Variants in HIVEP2 observed in about 807,000 individuals in gnomAD.
HIVEP2 encodes the protein transcription factor HIVEP2.
A neutral mutation model predicts 180.7 loss-of-function variants in HIVEP2; 14 were observed. That is an observed-to-expected ratio of 0.08 (90% CI 0.05 to 0.12). The LOEUF (loss-of-function observed/expected upper bound fraction) is 0.12, where lower values mean the gene tolerates loss of function less well. HIVEP2 is among the 10% of genes least tolerant of loss of function. HIVEP2 has a pLI of 1.00. For missense variants in HIVEP2, 2,579 were observed against 3,008.5 expected (o/e 0.86, Z 3.34); for synonymous variants, 1,184 against 1,136.4 (o/e 1.04, Z -0.84).
intron 1 of HIVEP2, among the ~76,000 whole-genome samples, chr6:142,903,373 C>T (rs9390030): frequency 0.071 from 10,769 of 152,252 alleles, 491 homozygotes; most frequent in East Asian, 0.17. Context: ...TTCACTTATA[C>T]AGTGTCCTGG....
chr6:142,935,656 T>C (rs1018254891), intron 1 of HIVEP2, among the ~76,000 whole-genome samples: 3 of 152,162 alleles, frequency 2.0e-5, no homozygotes, highest in Non-Finnish European at 2.9e-5. Flanking sequence ...CTGGTTCTCA[T>C]GGCCCCCATC....
chr6:142,849,872 T>A (rs896567919), intron 1 of HIVEP2, among the ~76,000 whole-genome samples: 1 of 151,992 alleles, frequency 6.6e-6, no homozygotes, highest in Non-Finnish European at 1.5e-5. Flanking sequence ...GGCTTAAGGG[T>A]TGAACTTTGG....
At chr6:142,879,799 C>T (rs8180684) in intron 1 of HIVEP2, among the ~76,000 whole-genome samples, 36,230 of 151,940 alleles carry the variant, frequency 0.24, 4,831 homozygotes, top group East Asian at 0.35. Context: ...CTCCCATGCC[C>T]GTCTCCAAAC....
rs1198876015 is a variant in HIVEP2, at chr6:142,943,637, TATTC to T, written c.-641+1458_-641+1461del. ...CTTTAGGGTTGGGGGCGAGTACCAA[TATTC>T]ATTTGGAGGTAAATTGAGTTATTTT... On this transcript the variant is annotated intron_variant, in intron 1 of 9. Coordinates refer to ENST00000367603, the MANE Select transcript of HIVEP2 (RefSeq NM_006734.4). This position sits in a 1 kb window ranked among gnomAD's most constrained non-coding sequence, Gnocchi z 4.5. 1.3e-5 allele frequency among the ~76,000 whole-genome samples: 2 copies of T among 152,100 alleles called. No individual in the cohort carries two copies. The highest frequency in any genetic ancestry group is 2.9e-5 in the Non-Finnish European group (2 of 68,000).
chr6:142,846,515 A>T (rs1481441916), intron 1 of HIVEP2, among the ~76,000 whole-genome samples: 1 of 152,220 alleles, frequency 6.6e-6, no homozygotes, highest in Non-Finnish European at 1.5e-5. Flanking sequence ...AGACTCCCAG[A>T]TATTTCCCAT....
At chr6:142,829,215 A>G (rs1452423035) in intron 2 of HIVEP2, among the ~76,000 whole-genome samples, 1 of 151,420 alleles carries the variant, frequency 6.6e-6, no homozygotes, top group East Asian at 1.9e-4. Flanking sequence ...GACGTTCTAT[A>G]CTCTCTAGGT....
At chr6:142,875,943 A>G (rs1055634560) in intron 1 of HIVEP2, among the ~76,000 whole-genome samples, 1 of 152,202 alleles carries the variant, frequency 6.6e-6, no homozygotes, top group East Asian at 1.9e-4. Context: ...TGATATTCTA[A>G]ACCATGCTGG....
At chr6:142,854,088 T>G (rs1360775910) in intron 1 of HIVEP2, among the ~76,000 whole-genome samples, 1 of 152,208 alleles carries the variant, frequency 6.6e-6, no homozygotes, top group Non-Finnish European at 1.5e-5. Context: ...AGCTCTGTGT[T>G]GTTCATAAAA....
At chr6:142,810,886 T>C (rs1027847436) in intron 2 of HIVEP2, among the ~76,000 whole-genome samples, 3 of 151,890 alleles carry the variant, frequency 2.0e-5, no homozygotes, top group Non-Finnish European at 2.9e-5. Flanking sequence ...CAAGGAGAAT[T>C]GAAAAAAATA....
intron 1 of HIVEP2, among the ~76,000 whole-genome samples, chr6:142,925,545 A>G (rs774579826): frequency 1.7e-4 from 26 of 152,228 alleles, no homozygotes; most frequent in Non-Finnish European, 3.4e-4. Flanking sequence ...CCAAAAAGAC[A>G]AATTTCAAAA....
At chr6:142,766,374 T>C (rs1775380339) in intron 6 of HIVEP2, among the ~76,000 whole-genome samples, 1 of 152,216 alleles carries the variant, frequency 6.6e-6, no homozygotes, top group Non-Finnish European at 1.5e-5. Flanking sequence ...TCTTCAAAAT[T>C]ATTTTGAATT....
intron 2 of HIVEP2, among the ~76,000 whole-genome samples, chr6:142,811,470 G>T (rs755734238): frequency 7.9e-5 from 12 of 152,146 alleles, no homozygotes; most frequent in Non-Finnish European, 1.5e-4. Context: ...TTTGTGCAAT[G>T]GCTAAAATTT....
At chr6:142,854,517 A>C (rs1775769228) in intron 1 of HIVEP2, among the ~76,000 whole-genome samples, 1 of 152,192 alleles carries the variant, frequency 6.6e-6, no homozygotes, top group Non-Finnish European at 1.5e-5. Flanking sequence ...CAACCAAGAG[A>C]AATTCTACAA....
At position 142,771,231 on chromosome 6, in the gene HIVEP2, G is replaced by T. The variant is rs1357648199; in HGVS notation, c.3508C>A (p.Pro1170Thr). The T allele has an allele frequency of 2.5e-6, 4 of 1,614,044 alleles. No individual in the cohort carries two copies. Among genetic ancestry groups the T allele is most frequent in the Non-Finnish European group, 3.4e-6 (4 of 1,180,032 alleles). The change falls in exon 5 of 10, where the codon CCC becomes ACC. Residue 1170 changes from proline to threonine, a missense_variant. Pro to Thr is a conservative substitution (Grantham distance 38). This residue lies in a region of HIVEP2 where 523 missense variants were observed against 577.0 expected (regional missense o/e 0.91). Coordinates refer to ENST00000367603, the MANE Select transcript of HIVEP2 (RefSeq NM_006734.4). The surrounding 1 kb of genome is among the most constrained non-coding windows in gnomAD (Gnocchi z 5.4). The stretch of plus-strand genomic sequence containing the variant: ...ATATAGGATGTTGGTTGGATCAAGG[G>T]ATTTCTCAAAGATTCCTGACTGTCC... Reference protein sequence around the residue: ...HMDSQESLRNPLIQPTSYMTS... With the variant: ...HMDSQESLRNTLIQPTSYMTS...
intron 1 of HIVEP2, among the ~76,000 whole-genome samples, chr6:142,859,965 A>C (rs1425324932): frequency 6.6e-6 from 1 of 152,134 alleles, no homozygotes; most frequent in East Asian, 1.9e-4. Context: ...GTTCCTGAAA[A>C]GAAAGAATTC....
chr6:142,937,792 G>A (rs1260323300), intron 1 of HIVEP2, among the ~76,000 whole-genome samples: 6 of 152,122 alleles, frequency 3.9e-5, no homozygotes, highest in Non-Finnish European at 7.4e-5. Flanking sequence ...AAACCTTTCC[G>A]AATGGAAGTT....
intron 2 of HIVEP2, among the ~76,000 whole-genome samples, chr6:142,809,333 C>T (rs1040339641): frequency 6.6e-6 from 1 of 152,096 alleles, no homozygotes; most frequent in African/African-American, 2.4e-5. Flanking sequence ...CCTGCCTCAC[C>T]CATCCTGAGA....
chr6:142,762,559 C>T (rs372936714), intron 7 of HIVEP2, among the ~76,000 whole-genome samples: 1 of 151,906 alleles, frequency 6.6e-6, no homozygotes, highest in Admixed American at 6.6e-5. Flanking sequence ...AGTTGTAAGG[C>T]GCCTTTACAT....
rs766757817 is a variant in HIVEP2 at position 142,753,643 on chromosome 6, C to G, written c.6805G>C (p.Glu2269Gln). ...ACATAGGGGTCCTTGGAGAAGGACT[C>G]CCCTGACGCGCCTTTCTTCTCCTCA... Reference protein sequence around the residue: ...GFEEKKGASGESFSKDPYVLS... With the variant: ...GFEEKKGASGQSFSKDPYVLS... Residue 2269 changes from glutamate (E) to glutamine (Q), a missense_variant, in exon 10 of 10, where the codon GAG becomes CAG. Physicochemically the swap from Glu to Gln is conservative, Grantham distance 29. This residue lies in a region of HIVEP2 where 660 missense variants were observed against 731.7 expected (regional missense o/e 0.90). Transcript: ENST00000367603. The G allele has an allele frequency of 4.3e-6, 7 of 1,614,028 alleles. No homozygotes were observed. Among genetic ancestry groups the G allele is most frequent in the Non-Finnish European group, 4.2e-6 (5 of 1,180,028 alleles).
Sources: gnomAD v4.1 joint callset for allele counts (sites outside exome capture counted in the v4.1 genomes callset) on GRCh38, gnomAD v4.1.1 for gene constraint, gnomAD v4.1.1 regional missense constraint, Gnocchi (gnomAD v3.1) non-coding constraint, MANE v1.5 for transcripts, NCBI Gene and HGNC (gene_info 2026-07-23, HGNC 2026-07-21) for gene names.